The following PCDHA6 variants were observed in gnomAD, a reference collection of about 807,000 sequenced individuals.
PCDHA6 encodes protocadherin alpha 6, also known as protocadherin alpha-6.
Under a neutral mutation model 60.3 loss-of-function variants are expected in PCDHA6, and 55 were observed. That is an observed-to-expected ratio of 0.91 (90% CI 0.73 to 1.14). PCDHA6 has a LOEUF of 1.14. Ranked by LOEUF, PCDHA6 falls within the 50% of genes most tolerant of loss-of-function variation. The pLI is 0.00. For synonymous variants in PCDHA6, 652 were observed against 557.9 expected (o/e 1.17, Z -2.38); for missense variants, 1,327 against 1,256.5 (o/e 1.06, Z -0.85).
rs782637341 is a variant in PCDHA6, at chr5:141,010,225, C to A, written c.*288C>A. Reference sequence around the variant, plus strand: ...CCGCCGCAAAGGAGAGGCTTCCCAGCCCCGCCAGTGAGAGGTTGGACTCTC... The same window carrying A: ...CCGCCGCAAAGGAGAGGCTTCCCAGACCCGCCAGTGAGAGGTTGGACTCTC... On this transcript the variant is annotated 3_prime_UTR_variant, in exon 4 of 4. Transcript: ENST00000529310. 11 of 1,551,730 alleles carry A rather than the reference C, an allele frequency of 7.1e-6. No homozygotes were observed. The highest frequency in any genetic ancestry group is 8.7e-6 in the Non-Finnish European group (10 of 1,147,034).
At chr5:140,854,372 C>A in intron 1 of PCDHA6, 1 of 156,718 alleles carries the variant, frequency 6.4e-6, no homozygotes, top group South Asian at 2.0e-4. Context: ...TATTTTGATA[C>A]ATAACTCATT....
chr5:140,921,051 C>T (rs2079992855), intron 1 of PCDHA6, among the ~76,000 whole-genome samples: 1 of 151,910 alleles, frequency 6.6e-6, no homozygotes, highest in Non-Finnish European at 1.5e-5. Context: ...GCAATCATAG[C>T]TCACTCTAAC....
At chr5:140,891,452 TG>T (rs2063116437) in intron 1 of PCDHA6, among the ~76,000 whole-genome samples, 1 of 150,254 alleles carries the variant, frequency 6.7e-6, no homozygotes, top group Non-Finnish European at 1.5e-5. Flanking sequence ...ATAGGATTTT[TG>T]AATTTGTGAA....
chr5:140,837,274 A>G (rs1774994137), intron 1 of PCDHA6: 1 of 152,032 alleles, frequency 6.6e-6, no homozygotes, highest in South Asian at 2.1e-4. Context: ...TGTAGCACTG[A>G]CTTCTTTTTA....
intron 1 of PCDHA6, chr5:140,875,828 T>C: frequency 6.2e-7 from 1 of 1,614,196 alleles, no homozygotes; most frequent in African/African-American, 1.3e-5. Flanking sequence ...GTTTTCCATG[T>C]GGACGTGGAG....
At chr5:140,883,525 A>G in intron 1 of PCDHA6, 1 of 1,614,220 alleles carries the variant, frequency 6.2e-7, no homozygotes, top group Middle Eastern at 1.7e-4. Context: ...AGAGCGTATC[A>G]GCCTATGAAC....
intron 1 of PCDHA6, chr5:140,841,721 C>T (rs2150321568): frequency 1.2e-6 from 2 of 1,613,868 alleles, no homozygotes; most frequent in Non-Finnish European, 8.5e-7. Context: ...GCCAGTGTTC[C>T]GGGTAAAAGA....
intron 1 of PCDHA6, among the ~76,000 whole-genome samples, chr5:140,935,536 G>C (rs2090424655): frequency 6.6e-6 from 1 of 152,104 alleles, no homozygotes; most frequent in Non-Finnish European, 1.5e-5. Context: ...TCAAATTATT[G>C]TGTTTTAAAG....
At chr5:140,886,690 G>T (rs1321168089) in intron 1 of PCDHA6, among the ~76,000 whole-genome samples, 3 of 151,964 alleles carry the variant, frequency 2.0e-5, no homozygotes, top group African/African-American at 7.2e-5. Flanking sequence ...GCGAGGCATG[G>T]TGGCACGCGC....
rs1554164701 is a variant in PCDHA6 at position 140,870,777 on chromosome 5, C to T, written c.2394+40292C>T. The T allele has an allele frequency of 3.1e-6, 5 of 1,613,610 alleles. No individual in the cohort carries two copies. In the African/African-American group the frequency reaches 4.0e-5, roughly 13 times the overall value. On this transcript the variant is annotated intron_variant, in intron 1 of 3. Coordinates refer to ENST00000529310, the MANE Select transcript of PCDHA6 (RefSeq NM_018909.4). Reference sequence around the variant, plus strand: ...TGCAGGTGTTCGTGCTGGACGAGAACGACAACGCGCCGGCACTGCTGGCGA... The same window carrying T: ...TGCAGGTGTTCGTGCTGGACGAGAATGACAACGCGCCGGCACTGCTGGCGA...
Position 140,843,849 on chromosome 5 carries a change from T to G in PCDHA6, c.2394+13364T>G. 2 of 972,226 alleles carry G rather than the reference T, an allele frequency of 2.1e-6. 1 individual carries two copies. Among genetic ancestry groups the G allele is most frequent in the South Asian group, 3.4e-5 (2 of 58,960 alleles). 60.2% of individuals were successfully genotyped at this position (972,226 alleles called of 1,614,324 possible). ...ACATTGTTTAGTTTTTAGAAACCTTTTATAATTAATTGAATTTTCTCAGTG... is the reference window on the plus strand; with the variant it reads ...ACATTGTTTAGTTTTTAGAAACCTTGTATAATTAATTGAATTTTCTCAGTG... On this transcript the variant is annotated intron_variant, in intron 1 of 3. Transcript: ENST00000529310.
rs2150336386 is a variant in PCDHA6 at position 140,842,455 on chromosome 5, T to C, written c.2394+11970T>C. Reference sequence around the variant, plus strand: ...CCCTAATTAGCGTGAACGACCTCGATTCAGGTGCCAACGGGCAGGTGACCT... The same window carrying C: ...CCCTAATTAGCGTGAACGACCTCGACTCAGGTGCCAACGGGCAGGTGACCT... On this transcript the variant is annotated intron_variant, in intron 1 of 3. Coordinates refer to ENST00000529310, the MANE Select transcript of PCDHA6 (RefSeq NM_018909.4). The C allele has an allele frequency of 1.2e-6, 2 of 1,613,862 alleles. 1 individual carries two copies. Among genetic ancestry groups the C allele is most frequent in the East Asian group, 4.5e-5 (2 of 44,876 alleles).
In PCDHA6 at chr5:140,830,385, C is replaced by A. The variant is rs2150185884; in HGVS notation, c.2294C>A (p.Pro765His). The A allele has an allele frequency of 7.4e-6, 12 of 1,614,120 alleles. No individual in the cohort carries two copies. The highest frequency in any genetic ancestry group is 1.0e-5 in the Non-Finnish European group (12 of 1,179,996). ...AGGGTGTGCTCCGGGGAGGGCCCAC[C>A]CAAGATGGATCTCATGGCCTTTAGC... ...RQRVCSGEGP[P>H]KMDLMAFSPS... Residue 765 changes from proline (P) to histidine (H), a missense_variant, in exon 1 of 4, where the codon CCC becomes CAC. Transcript: ENST00000529310.
intron 1 of PCDHA6, among the ~76,000 whole-genome samples, chr5:140,873,350 A>G (rs251374): frequency 0.7 from 106,869 of 152,104 alleles, 38,096 homozygotes; most frequent in African/African-American, 0.82. Context: ...TCCAGATGAA[A>G]TTTTTGGAAT....
intron 1 of PCDHA6, among the ~76,000 whole-genome samples, chr5:140,908,850 C>T (rs1234928966): frequency 6.6e-6 from 1 of 152,160 alleles, no homozygotes; most frequent in Non-Finnish European, 1.5e-5. Flanking sequence ...GTAACATACC[C>T]AAATGAGGAA....
rs2150179616 is a variant in PCDHA6, at chr5:140,830,014, C to T, written c.1923C>T (p.Asp641=). 3 of 1,613,898 alleles carry T rather than the reference C, an allele frequency of 1.9e-6. No individual in the cohort carries two copies. The highest frequency in any genetic ancestry group is 2.5e-6 in the Non-Finnish European group (3 of 1,179,912). Reference sequence around the variant, plus strand: ...CCACTCGTGTCCTGGACGAAGCGGACTCTCCGCGCCACCGGCTGCTGGTGC... The same window carrying T: ...CCACTCGTGTCCTGGACGAAGCGGATTCTCCGCGCCACCGGCTGCTGGTGC... ...ISTTRVLDEA[D]SPRHRLLVLV... The change falls in exon 1 of 4, where the codon GAC becomes GAT. Residue 641 remains aspartate (D), a synonymous_variant. Coordinates refer to ENST00000529310, the MANE Select transcript of PCDHA6 (RefSeq NM_018909.4).
chr5:140,875,771 C>A (rs182160950), intron 1 of PCDHA6: 3 of 1,614,080 alleles, frequency 1.9e-6, no homozygotes, highest in Non-Finnish European at 2.5e-6. Context: ...GGGCGGAGCG[C>A]GGAGTGCAGT....
chr5:140,981,687 ATCAT>A (rs200213847), intron 2 of PCDHA6, among the ~76,000 whole-genome samples: 197 of 152,078 alleles, frequency 1.3e-3, no homozygotes, highest in African/African-American at 4.2e-3. Context: ...CCTCCCTTCC[ATCAT>A]TCATTCATTC....
intron 1 of PCDHA6, chr5:140,853,385 A>C (rs2042733783): frequency 3.0e-6 from 3 of 986,050 alleles, no homozygotes; most frequent in Non-Finnish European, 3.7e-6. Flanking sequence ...AATTCAAAAC[A>C]GCCTGTCAAG....
Sources: gnomAD v4.1 joint callset for allele counts (sites outside exome capture counted in the v4.1 genomes callset) on GRCh38, gnomAD v4.1.1 for gene constraint, MANE v1.5 for transcripts, NCBI Gene and HGNC (gene_info 2026-07-23, HGNC 2026-07-21) for gene names.